PRRX2: variants seen among roughly 807,000 people sequenced by gnomAD.
The protein encoded by PRRX2 is paired related homeobox 2.
PRRX2 carries 11 observed loss-of-function variants against 18.0 expected under a neutral mutation model. The observed-to-expected ratio is 0.61, with a 90% CI of 0.39 to 1.01. The LOEUF is 1.01. Among genes scored for constraint, PRRX2 ranks in the 50% least tolerant of loss-of-function variants. The pLI is 0.01. For synonymous variants in PRRX2, 177 were observed against 154.8 expected (o/e 1.14, Z -1.06); for missense variants, 387 against 351.0 (o/e 1.10, Z -0.82).
chr9:129,698,966 T>C (rs1359900427), intron 1 of PRRX2, among the ~76,000 whole-genome samples: 3 of 152,220 alleles, frequency 2.0e-5, no homozygotes, highest in African/African-American at 7.2e-5. Context: ...GCCATCAGGA[T>C]AGCCTGACTG....
chr9:129,711,048 G>A (rs958645604), intron 1 of PRRX2, among the ~76,000 whole-genome samples: 2 of 152,162 alleles, frequency 1.3e-5, no homozygotes, highest in Non-Finnish European at 2.9e-5. Context: ...GCAGCCCCAA[G>A]AATGTTTCTG....
At chr9:129,683,560 C>A (rs1832259831) in intron 1 of PRRX2, among the ~76,000 whole-genome samples, 1 of 152,056 alleles carries the variant, frequency 6.6e-6, no homozygotes, top group Non-Finnish European at 1.5e-5. Context: ...ACGGTGAAAC[C>A]CTGTCTCTAC....
intron 1 of PRRX2, among the ~76,000 whole-genome samples, chr9:129,699,433 AT>A (rs534075256): frequency 1.0e-3 from 150 of 143,114 alleles, no homozygotes; most frequent in African/African-American, 3.9e-3. Flanking sequence ...CAAAAAAAAT[AT>A]ATATATGTGT....
chr9:129,685,698 C>T (rs1832292087), intron 1 of PRRX2, among the ~76,000 whole-genome samples: 1 of 152,192 alleles, frequency 6.6e-6, no homozygotes, highest in African/African-American at 2.4e-5. Flanking sequence ...TCCAGTCTCC[C>T]ATTTTCCTGG....
intron 1 of PRRX2, among the ~76,000 whole-genome samples, chr9:129,680,010 T>C (rs1832206669): frequency 6.6e-6 from 1 of 152,118 alleles, no homozygotes; most frequent in Non-Finnish European, 1.5e-5. Flanking sequence ...ATGATCATCA[T>C]AATAGTACCT....
chr9:129,683,579 C>CA (rs1168044352), intron 1 of PRRX2, among the ~76,000 whole-genome samples: 11 of 151,854 alleles, frequency 7.2e-5, no homozygotes, highest in Non-Finnish European at 1.6e-4. Context: ...ACTAAAAATA[C>CA]AAAAAATTAG....
At position 129,675,187 on chromosome 9, in the gene PRRX2, G is replaced by A. The variant is rs946087841; in HGVS notation, c.259+9061G>A. 6.6e-6 allele frequency among the ~76,000 whole-genome samples: 1 copy of A among 152,192 alleles called. No homozygotes were observed. Among genetic ancestry groups the A allele is most frequent in the Admixed American group, 6.5e-5 (1 of 15,286 alleles). On this transcript the variant is annotated intron_variant, in intron 1 of 3. Coordinates refer to ENST00000372469, the MANE Select transcript of PRRX2 (RefSeq NM_016307.4). This position sits in a 1 kb window ranked among gnomAD's most constrained non-coding sequence, Gnocchi z 4.4. ...CAGGAGAGGGAGGGGGCTGCGCTGA[G>A]GCTAAGCCCCAGCATCCCCAGGGAC...
intron 1 of PRRX2, among the ~76,000 whole-genome samples, chr9:129,700,399 C>A (rs1015298696): frequency 3.3e-5 from 5 of 150,210 alleles, no homozygotes; most frequent in Non-Finnish European, 5.9e-5. Context: ...AGTGCAGTGG[C>A]GCAATCTCGG....
chr9:129,667,205 A>G (rs1232279509), intron 1 of PRRX2, among the ~76,000 whole-genome samples: 1 of 152,222 alleles, frequency 6.6e-6, no homozygotes, highest in Non-Finnish European at 1.5e-5. Context: ...CCCTCATGGC[A>G]GCGGCCACCA....
At chr9:129,714,823 A>T (rs1041074859) in intron 1 of PRRX2, among the ~76,000 whole-genome samples, 9 of 152,054 alleles carry the variant, frequency 5.9e-5, no homozygotes, top group Admixed American at 1.3e-4. Context: ...TTTGGCTGAA[A>T]TGCCTCCTGT....
At chr9:129,717,209 G>A (rs546492648) in intron 1 of PRRX2, among the ~76,000 whole-genome samples, 1 of 152,050 alleles carries the variant, frequency 6.6e-6, no homozygotes, top group Admixed American at 6.5e-5. Context: ...ACCATGCCTG[G>A]CTAATTTCTT....
intron 1 of PRRX2, 37 bp downstream of exon 1, chr9:129,666,163 C>CGGGGCA: frequency 3.5e-6 from 2 of 574,430 alleles, no homozygotes; most frequent in Non-Finnish European, 4.3e-6. Context: ...GTGGCGGGGC[C>CGGGGCA]GGGGCCGGGG....
intron 1 of PRRX2, among the ~76,000 whole-genome samples, chr9:129,694,432 G>A (rs1053323287): frequency 6.6e-6 from 1 of 152,174 alleles, no homozygotes; most frequent in African/African-American, 2.4e-5. Flanking sequence ...TGATCCGCCC[G>A]CCTCGGCCTC....
At chr9:129,711,002 G>A (rs184262168) in intron 1 of PRRX2, among the ~76,000 whole-genome samples, 50 of 152,140 alleles carry the variant, frequency 3.3e-4, no homozygotes, top group South Asian at 2.1e-4. Context: ...CTTAATCCTC[G>A]CTGCCCTGCT....
At chr9:129,693,081 T>C (rs1382838908) in intron 1 of PRRX2, among the ~76,000 whole-genome samples, 2 of 152,224 alleles carry the variant, frequency 1.3e-5, no homozygotes, top group African/African-American at 4.8e-5. Context: ...TTCTGGATTC[T>C]GGGCATTCTA....
chr9:129,707,577 G>C (rs986346638), intron 1 of PRRX2, among the ~76,000 whole-genome samples: 1 of 152,032 alleles, frequency 6.6e-6, no homozygotes, highest in African/African-American at 2.4e-5. Context: ...GGTCACCTGA[G>C]GTCAGGAGTT....
chr9:129,670,089 G>A (rs116703083), intron 1 of PRRX2, among the ~76,000 whole-genome samples: 3,430 of 147,026 alleles, frequency 0.023, 137 homozygotes, highest in African/African-American at 0.082. Context: ...GAATCCTACA[G>A]TATTTGCCGT....
chr9:129,714,986 C>A (rs1371495021), intron 1 of PRRX2, among the ~76,000 whole-genome samples: 2 of 152,104 alleles, frequency 1.3e-5, no homozygotes, highest in Non-Finnish European at 2.9e-5. Context: ...AAAGTTTCTT[C>A]CTCATCGAGG....
intron 1 of PRRX2, among the ~76,000 whole-genome samples, chr9:129,698,388 G>C (rs975245316): frequency 6.6e-6 from 1 of 152,086 alleles, no homozygotes; most frequent in African/African-American, 2.4e-5. Flanking sequence ...GCAGAGAAGA[G>C]GGCTTGCCCA....
Sources: allele counts gnomAD v4.1 joint callset (sites outside exome capture counted in the v4.1 genomes callset), GRCh38; gene constraint gnomAD v4.1.1; non-coding constraint Gnocchi (gnomAD v3.1); transcripts MANE v1.5; gene names NCBI Gene and HGNC (gene_info 2026-07-23, HGNC 2026-07-21).